The following EIF2B4 variants were observed in gnomAD, a reference collection of about 807,000 sequenced individuals.
EIF2B4 encodes eukaryotic translation initiation factor 2B subunit delta, also known as translation initiation factor eIF2B subunit delta.
In EIF2B4, 34 loss-of-function variants were observed where a neutral mutation model predicts 66.7. That is an observed-to-expected ratio of 0.51 (90% CI 0.39 to 0.68). The LOEUF is 0.68. Ranked by LOEUF, EIF2B4 falls within the 30% of genes least tolerant of loss-of-function variation. The probability of loss-of-function intolerance (pLI) is 0.00; values close to 1 mark genes in which losing one functional copy is unlikely to be tolerated. For synonymous variants in EIF2B4, 278 were observed against 253.6 expected (o/e 1.10, Z -0.92); for missense variants, 618 against 657.9 (o/e 0.94, Z 0.66).
intron 11 of EIF2B4, chr2:27,366,094 CTGTGTG>C (rs59639860): frequency 0.024 from 2,662 of 110,778 alleles, 172 homozygotes; most frequent in African/African-American, 0.095. Context: ...TCCTAAGTAG[CTGTGTG>C]TGTGTGTGTG....
chr2:27,369,307 T>A (rs1682149928), intron 3 of EIF2B4, 95 bp from the exon 4 acceptor site: 2 of 1,609,136 alleles, frequency 1.2e-6, no homozygotes, highest in Non-Finnish European at 8.5e-7. Context: ...CCTCTTTGCT[T>A]TACACACTTG....
chr2:27,367,524 A>G lies in EIF2B4; in HGVS notation c.818T>C (p.Met273Thr). ...GTTAAGGAACTTGATGGCGTTGTGCATGCTCGCTGACAGGGGACGGCACTG... is the reference window on the plus strand; with the variant it reads ...GTTAAGGAACTTGATGGCGTTGTGCGTGCTCGCTGACAGGGGACGGCACTG... ...LTQCRPLSAS[M>T]HNAIKFLNKE... Residue 273 changes from methionine to threonine, a missense_variant, in exon 9 of 13, where the codon ATG (methionine) becomes ACG (threonine). Met to Thr is a moderately conservative substitution (Grantham distance 81, BLOSUM62 -1). This residue lies in a region of EIF2B4 where 506 missense variants were observed against 511.9 expected (regional missense o/e 0.99). Transcript: ENST00000347454. The G allele has an allele frequency of 1.2e-6, 2 of 1,614,182 alleles. No homozygotes were observed. The highest frequency in any genetic ancestry group is 1.7e-6 in the Non-Finnish European group (2 of 1,180,034).
At chr2:27,369,343 CCCTTATCTCT>C (rs1682155795) in intron 3 of EIF2B4, 61 bp downstream of exon 3, 2 of 1,591,060 alleles carry the variant, frequency 1.3e-6, no homozygotes, top group African/African-American at 3.5e-5. Context: ...TCCTGTCTCT[CCCTTATCTCT>C]CCCACCACAT....
chr2:27,366,521 A>C, intron 11 of EIF2B4: 1 of 564,512 alleles, frequency 1.8e-6, no homozygotes, highest in East Asian at 3.1e-5. Flanking sequence ...TCTACAAGAA[A>C]AATAAAAAAC....
chr2:27,369,674 T>C (rs1206382693), intron 2 of EIF2B4, 125 bp from the exon 3 acceptor site: 4 of 1,546,614 alleles, frequency 2.6e-6, no homozygotes, highest in East Asian at 4.5e-5. Flanking sequence ...ACAAGCTACC[T>C]GTTGCAAGCT....
intron 8 of EIF2B4, 86 bp from the exon 9 acceptor site, chr2:27,367,645 G>C (rs1269193893): frequency 6.3e-7 from 1 of 1,592,716 alleles, no homozygotes; most frequent in Non-Finnish European, 8.6e-7. Flanking sequence ...TCTTTAAAAA[G>C]AAAATAGAAC....
At chr2:27,365,103 C>G in intron 11 of EIF2B4, 1 of 557,984 alleles carries the variant, frequency 1.8e-6, no homozygotes. Context: ...GTTGCCCAGG[C>G]TGGAGTGCAA....
rs1558635200 is a variant in EIF2B4, at chr2:27,367,105, T to G, written c.982A>C (p.Ser328Arg). 1.9e-6 allele frequency: 3 copies of G among 1,614,248 alleles called. No individual in the cohort carries two copies. The highest frequency in any genetic ancestry group is 8.5e-7 in the Non-Finnish European group (1 of 1,180,044). Residue 328 changes from serine (S) to arginine (R), a missense_variant, in exon 10 of 13, where the codon AGT (serine) becomes CGT (arginine). Around this residue, in one of 4 missense-constraint regions of EIF2B4, gnomAD observed 506 missense variants for 511.9 expected, o/e 0.99. Transcript: ENST00000347454. ...TATACCAGGATCACATCTCCATTACTGATCTTCTGGTAAGCAAAGCGTGAA... is the reference window on the plus strand; with the variant it reads ...TATACCAGGATCACATCTCCATTACGGATCTTCTGGTAAGCAAAGCGTGAA... ...AISRFAYQKI[S>R]NGDVILVYGC...
At chr2:27,365,391 T>C (rs1342659539) in intron 11 of EIF2B4, among the ~76,000 whole-genome samples, 1 of 146,516 alleles carries the variant, frequency 6.8e-6, no homozygotes, top group Non-Finnish European at 1.5e-5. Flanking sequence ...TTTTTTTTTT[T>C]TTTGAGATGG....
chr2:27,369,415 T>G lies in EIF2B4; in HGVS notation c.210A>C (p.Gln70His), dbSNP rs1432241187. Residue 70 changes from glutamine to histidine, a missense_variant and splice_region_variant, in exon 3 of 13, where the codon CAA becomes CAC. Physicochemically the swap from Gln to His is conservative, Grantham distance 24 (BLOSUM62 0). Coordinates refer to ENST00000347454, the MANE Select transcript of EIF2B4 (RefSeq NM_001034116.2). Reference sequence around the variant, plus strand: ...CTTTAAAAGAGACCCCTCACTCACCTTGACATTGGGCTGCAGATACAGCAG... The same window carrying G: ...CTTTAAAAGAGACCCCTCACTCACCGTGACATTGGGCTGCAGATACAGCAG... ...TGSAVSAAQC[Q>H]VGPTRELPES... The G allele has an allele frequency of 1.9e-6, 3 of 1,614,098 alleles. No homozygotes were observed. The highest frequency in any genetic ancestry group is 1.3e-5 in the African/African-American group (1 of 75,018).
intron 10 of EIF2B4, 64 bp downstream of exon 10, chr2:27,367,010 G>A (rs781357939): frequency 2.5e-6 from 4 of 1,613,900 alleles, no homozygotes; most frequent in Non-Finnish European, 3.4e-6. Flanking sequence ...AAAGGCAAGT[G>A]GGTAGTCCCT....
In EIF2B4 at chr2:27,368,393, T is replaced by C. The variant is rs1300799614; in HGVS notation, c.569A>G (p.Asn190Ser). The change falls in exon 6 of 13, where the codon AAC becomes AGC. Residue 190 changes from asparagine (N) to serine (S), a missense_variant. This residue lies in a region of EIF2B4 where 506 missense variants were observed against 511.9 expected (regional missense o/e 0.99). Transcript: ENST00000347454. Reference sequence around the variant, plus strand: ...CTACCTCATAAACTGGGTCAGAGAGTTTTGTCTGCTGTACTGGGGTAGGTG... The same window carrying C: ...CTACCTCATAAACTGGGTCAGAGAGCTTTGTCTGCTGTACTGGGGTAGGTG... The part of the protein sequence containing the change: ...FSHLPQYSRQ[N>S]SLTQFMSIPS... The C allele has an allele frequency of 6.2e-7, 1 of 1,613,666 alleles. No individual in the cohort carries two copies. Among genetic ancestry groups the C allele is most frequent in the South Asian group, 1.1e-5 (1 of 91,062 alleles).
Position 27,369,114 on chromosome 2 carries a change from G to A in EIF2B4, c.310C>T (p.Arg104Cys). Residue 104 changes from arginine to cysteine, a missense_variant, in exon 4 of 13, where the codon CGT becomes TGT. Physicochemically the swap from Arg to Cys is radical, Grantham distance 180 (BLOSUM62 -3). Around this residue, in one of 4 missense-constraint regions of EIF2B4, gnomAD observed 506 missense variants for 511.9 expected, o/e 0.99. Transcript: ENST00000347454. ...CGCTCGGCCTCCTGCTTGGCTCGAC[G>A]CTCAGCCCGAAGTTCGGCCTTACTC... is the stretch of plus-strand genomic sequence containing the variant. ...GRSKAELRAE[R>C]RAKQEAERAL... is the part of the protein sequence containing the mutation. The A allele has an allele frequency of 6.2e-7, 1 of 1,613,838 alleles. No individual in the cohort carries two copies. The highest frequency in any genetic ancestry group is 8.5e-7 in the Non-Finnish European group (1 of 1,179,984).
At chr2:27,367,976 A>C in intron 7 of EIF2B4, 49 bp downstream of exon 7, 1 of 1,519,856 alleles carries the variant, frequency 6.6e-7, no homozygotes, top group Non-Finnish European at 9.0e-7. Context: ...CTGGGGTAGT[A>C]TTGGGGGAGG....
intron 11 of EIF2B4, 157 bp from the exon 12 acceptor site, chr2:27,365,055 C>T: frequency 3.3e-6 from 2 of 606,452 alleles, no homozygotes; most frequent in Non-Finnish European, 5.5e-6. Context: ...AGTAATAAAT[C>T]TTTTTTTTTT....
intron 1 of EIF2B4, 78 bp downstream of exon 1, chr2:27,370,206 G>T (rs1486926103): frequency 4.6e-6 from 7 of 1,538,064 alleles, no homozygotes; most frequent in Non-Finnish European, 5.2e-6. Context: ...GGGGCCCAAA[G>T]GCGCTCAAGG....
In EIF2B4 at chr2:27,365,052, A is replaced by G. The variant is rs1417673087; in HGVS notation, c.1192-154T>C. The G allele has an allele frequency of 5.1e-6, 4 of 786,092 alleles. No homozygotes were observed. In the Admixed American group the frequency reaches 1.1e-4, roughly 22 times the overall value. The allele number at this position is 786,092 out of a possible 1,614,324, so 48.7% of individuals were successfully genotyped here. A position where few individuals can be genotyped will look rare whatever the true frequency, so the allele number is the denominator to read the frequency against. ...AAACAAAAACAGACAACAAGTAATA[A>G]ATCTTTTTTTTTTTTTTCTTTGAGA... On this transcript the variant is annotated intron_variant, in intron 11 of 12. Transcript: ENST00000347454.
intron 7 of EIF2B4, 86 bp downstream of exon 7, chr2:27,367,939 C>T: frequency 6.7e-7 from 1 of 1,483,896 alleles, no homozygotes; most frequent in Non-Finnish European, 9.3e-7. Flanking sequence ...CCCTCTGTCC[C>T]CCAGAGATGA....
At chr2:27,367,310 G>A in intron 9 of EIF2B4, 109 bp from the exon 10 acceptor site, 1 of 1,586,272 alleles carries the variant, frequency 6.3e-7, no homozygotes, top group Non-Finnish European at 8.7e-7. Flanking sequence ...AGAGGGCTCA[G>A]AGATGGCACA....
Sources: gnomAD v4.1 joint callset for allele counts (sites outside exome capture counted in the v4.1 genomes callset) on GRCh38, gnomAD v4.1.1 for gene constraint, gnomAD v4.1.1 regional missense constraint, MANE v1.5 for transcripts, NCBI Gene and HGNC (gene_info 2026-07-23, HGNC 2026-07-21) for gene names.